Variants in FIGNL2 observed in about 807,000 individuals in gnomAD.
FIGNL2 encodes the protein fidgetin-like protein 2.
For missense variants in FIGNL2, 1,060 were observed against 950.2 expected (o/e 1.12, Z -1.52); for synonymous variants, 565 against 484.0 (o/e 1.17, Z -2.20).
chr12:51,841,808 C>G (rs1403485018), intron 1 of FIGNL2: 1 of 152,280 alleles, frequency 6.6e-6, no homozygotes, highest in Non-Finnish European at 1.5e-5. Context: ...GAGAAAGGCT[C>G]CTGAAGACCA....
At chr12:51,848,079 C>A in intron 1 of FIGNL2, 1 of 902,924 alleles carries the variant, frequency 1.1e-6, no homozygotes, top group Non-Finnish European at 1.3e-6. Flanking sequence ...AGCCCCCACC[C>A]CTCCCACACA....
intron 1 of FIGNL2, chr12:51,823,503 C>A (rs1939269558): frequency 1.3e-5 from 2 of 152,210 alleles, no homozygotes; most frequent in Non-Finnish European, 2.9e-5. Context: ...GCTGTAAACA[C>A]AGCGGAGATG....
At chr12:51,831,957 A>C (rs894871379) in intron 1 of FIGNL2, 1 of 152,330 alleles carries the variant, frequency 6.6e-6, no homozygotes, top group Non-Finnish European at 1.5e-5. Flanking sequence ...CCTCCACCCC[A>C]GTCTCTTGAG....
chr12:51,830,704 G>A (rs528761235), intron 1 of FIGNL2, among the ~76,000 whole-genome samples: 4 of 152,038 alleles, frequency 2.6e-5, no homozygotes, highest in South Asian at 2.1e-4. Context: ...TGTTGGCCAG[G>A]CTGGTCTCAA....
intron 1 of FIGNL2, among the ~76,000 whole-genome samples, chr12:51,838,430 G>A (rs1473414952): frequency 6.6e-6 from 1 of 152,144 alleles, no homozygotes; most frequent in Non-Finnish European, 1.5e-5. Flanking sequence ...TAGTAACCTG[G>A]GTAAGGCAGG....
At chr12:51,828,951 A>G (rs542736137) in intron 1 of FIGNL2, among the ~76,000 whole-genome samples, 44 of 152,290 alleles carry the variant, frequency 2.9e-4, no homozygotes, top group Non-Finnish European at 5.1e-4. Flanking sequence ...ACCCTCCTCC[A>G]ACCCCCGAAG....
At chr12:51,827,984 T>C (rs1939379293) in intron 1 of FIGNL2, among the ~76,000 whole-genome samples, 1 of 152,210 alleles carries the variant, frequency 6.6e-6, no homozygotes, top group Admixed American at 6.5e-5. Context: ...GCCCAGGCCC[T>C]GAACCACTTG....
intron 1 of FIGNL2, chr12:51,844,656 A>C: frequency 1.0e-6 from 1 of 978,948 alleles, no homozygotes; most frequent in Non-Finnish European, 1.2e-6. Context: ...TGGAAGCGTT[A>C]ACTATGATTC....
chr12:51,821,185 C>T lies in FIGNL2; in HGVS notation c.1229G>A (p.Trp410Ter). The T allele has an allele frequency of 6.6e-7, 1 of 1,514,140 alleles. No homozygotes were observed. Among genetic ancestry groups the T allele is most frequent in the East Asian group, 2.7e-5 (1 of 37,624 alleles). The allele number at this position is 1,514,140 out of a possible 1,614,324, so 93.8% of individuals were successfully genotyped here. A position where few individuals can be genotyped will look rare whatever the true frequency, so the allele number is the denominator to read the frequency against. Residue 410 changes from tryptophan (W) to a stop codon, truncating the protein, a stop_gained, in exon 2 of 2, where the codon TGG (tryptophan) becomes TAG (stop). Coordinates refer to ENST00000618634, the MANE Select transcript of FIGNL2 (RefSeq NM_001384995.1). LOFTEE classifies it low-confidence loss of function (END_TRUNC). Reference protein sequence around the residue: ...LKAALEEELVWPLLRPPAYPG... With the variant: ...LKAALEEELV Reference sequence around the variant, plus strand: ...GTAGGCGGGCGGCCTGAGCAGGGGCCACACCAGCTCCTCCTCCAGCGCCGC... The same window carrying T: ...GTAGGCGGGCGGCCTGAGCAGGGGCTACACCAGCTCCTCCTCCAGCGCCGC...
chr12:51,820,879 A>G lies in FIGNL2; in HGVS notation c.1535T>C (p.Val512Ala). 7.3e-7 allele frequency: 1 copy of G among 1,370,528 alleles called. No individual in the cohort carries two copies. The highest frequency in any genetic ancestry group is 1.7e-5 in the South Asian group (1 of 57,304). 84.9% of individuals were successfully genotyped at this position (1,370,528 alleles called of 1,614,324 possible). The change falls in exon 2 of 2, where the codon GTG (valine) becomes GCG (alanine). Residue 512 changes from valine to alanine, a missense_variant. Val to Ala is a moderately conservative substitution (Grantham distance 64, BLOSUM62 0). Coordinates refer to ENST00000618634, the MANE Select transcript of FIGNL2 (RefSeq NM_001384995.1). ...CCCGTCCAGGCAGGCCAGGAGCGGC[A>G]CCTGCAGCGCGCCCCCTGCCGCCGC... ...DGAAAGGALQ[V>A]PLLACLDGGC... is the part of the protein sequence containing the mutation.
chr12:51,820,323 C>G lies in FIGNL2; in HGVS notation c.*129G>C. 8.2e-7 allele frequency: 1 copy of G among 1,219,656 alleles called. No individual in the cohort carries two copies. The highest frequency in any genetic ancestry group is 1.1e-6 in the Non-Finnish European group (1 of 904,372). The allele number at this position is 1,219,656 out of a possible 1,614,324, so 75.6% of individuals were successfully genotyped here. ...AAAAAAAAAATATCCACCGGCAGAC[C>G]CCTCCTGTCCCCGATCCCACATTCA... On this transcript the variant is annotated 3_prime_UTR_variant, in exon 2 of 2. Transcript: ENST00000618634.
In FIGNL2 at chr12:51,820,531, G is replaced by C. The variant is rs1346230142; in HGVS notation, c.1883C>G (p.Ala628Gly). The change falls in exon 2 of 2, where the codon GCC becomes GGC. Residue 628 changes from alanine to glycine, a missense_variant. Transcript: ENST00000618634. ...GGCAGAGGCCCTAGGGCCCACCTTG[G>C]CCAGCGCCGCCTCCAGGTCCTTGTA... is the stretch of plus-strand genomic sequence containing the variant. ...LSYKDLEAAL[A>G]KVGPRASAKE... The C allele has an allele frequency of 1.0e-5, 16 of 1,556,254 alleles. No homozygotes were observed. Among genetic ancestry groups the C allele is most frequent in the Non-Finnish European group, 1.4e-5 (16 of 1,158,614 alleles).
intron 1 of FIGNL2, among the ~76,000 whole-genome samples, chr12:51,837,648 A>C (rs1592193981): frequency 6.6e-6 from 1 of 151,346 alleles, no homozygotes; most frequent in African/African-American, 2.4e-5. Context: ...TTTTCTCTGG[A>C]CCCTCCACCA....
rs912638122 is a variant in FIGNL2 at position 51,841,952 on chromosome 12, C to A, written c.-12+6588G>T. On this transcript the variant is annotated intron_variant, in intron 1 of 1. Coordinates refer to ENST00000618634, the MANE Select transcript of FIGNL2 (RefSeq NM_001384995.1). ...TTGGCCCCATCTGAGAACACGTGAG[C>A]CATCTCTAGAAGTGCTGAGTCCCCA... The A allele has an allele frequency of 3.9e-5, 6 of 152,202 alleles. No individual in the cohort carries two copies. The East Asian group carries it at 1.2e-3, about 29-fold the overall frequency. The allele number at this position is 152,202 out of a possible 1,614,324, so 9.4% of individuals were successfully genotyped here. A position where few individuals can be genotyped will look rare whatever the true frequency, so the allele number is the denominator to read the frequency against.
chr12:51,820,718 T>A lies in FIGNL2; in HGVS notation c.1696A>T (p.Ile566Phe). 6.8e-7 allele frequency: 1 copy of A among 1,480,608 alleles called. No individual in the cohort carries two copies. Among genetic ancestry groups the A allele is most frequent in the Non-Finnish European group, 8.9e-7 (1 of 1,125,370 alleles). 91.7% of individuals were successfully genotyped at this position (1,480,608 alleles called of 1,614,324 possible). A position where few individuals can be genotyped will look rare whatever the true frequency, so the allele number is the denominator to read the frequency against. ...TGCTGGGCCAGCGCCCGCTGCAGGA[T>A]CTGCCCGCGGGCCGGGCTGTCGGGC... ...ALPDSPARGQ[I>F]LQRALAQQGC... The change falls in exon 2 of 2, where the codon ATC (isoleucine) becomes TTC (phenylalanine). Residue 566 changes from isoleucine to phenylalanine, a missense_variant. Coordinates refer to ENST00000618634, the MANE Select transcript of FIGNL2 (RefSeq NM_001384995.1).
At chr12:51,832,822 C>T (rs1383045221) in intron 1 of FIGNL2, among the ~76,000 whole-genome samples, 1 of 152,192 alleles carries the variant, frequency 6.6e-6, no homozygotes, top group Non-Finnish European at 1.5e-5. Flanking sequence ...AATTAACATG[C>T]CCAAAAGTGA....
intron 1 of FIGNL2, chr12:51,847,919 C>A: frequency 1.2e-6 from 1 of 829,150 alleles, no homozygotes; most frequent in Non-Finnish European, 1.5e-6. Flanking sequence ...CCTCCTACAA[C>A]CCCCTGACTC....
chr12:51,821,808 C>A lies in FIGNL2; in HGVS notation c.606G>T (p.Leu202=). ...PPPGYGPSAP[L]YNYPAGGYAA... ...CGTAGCCCCCTGCGGGATAGTTGTA[C>A]AGCGGCGCTGAGGGCCCGTACCCCG... is the stretch of plus-strand genomic sequence containing the variant. Residue 202 remains leucine (L), a synonymous_variant, in exon 2 of 2, where the codon CTG becomes CTT. Coordinates refer to ENST00000618634, the MANE Select transcript of FIGNL2 (RefSeq NM_001384995.1). 1 of 1,275,604 alleles carries A rather than the reference C, an allele frequency of 7.8e-7. No individual in the cohort carries two copies. Among genetic ancestry groups the A allele is most frequent in the South Asian group, 3.0e-5 (1 of 33,506 alleles). 79.0% of individuals were successfully genotyped at this position (1,275,604 alleles called of 1,614,324 possible). A position where few individuals can be genotyped will look rare whatever the true frequency, so the allele number is the denominator to read the frequency against.
At chr12:51,823,946 G>A (rs932140593) in intron 1 of FIGNL2, among the ~76,000 whole-genome samples, 3 of 152,144 alleles carry the variant, frequency 2.0e-5, no homozygotes, top group African/African-American at 7.2e-5. Flanking sequence ...CAAGGAGGTG[G>A]TGCCTTTGCT....
Sources: allele counts gnomAD v4.1 joint callset (sites outside exome capture counted in the v4.1 genomes callset), GRCh38; gene constraint gnomAD v4.1.1; transcripts MANE v1.5; gene names NCBI Gene and HGNC (gene_info 2026-07-23, HGNC 2026-07-21).